Variants in LRRC4C observed in about 807,000 individuals in gnomAD.
The protein encoded by LRRC4C is leucine rich repeat containing 4C.
In LRRC4C, 5 loss-of-function variants were observed where a neutral mutation model predicts 33.6. The ratio of observed to expected loss-of-function variants is 0.15; its 90% CI spans 0.08 to 0.31. The LOEUF (loss-of-function observed/expected upper bound fraction) is 0.31, where lower values mean the gene tolerates loss of function less well. Among genes scored for constraint, LRRC4C ranks in the 10% least tolerant of loss-of-function variants. LRRC4C has a pLI of 1.00. For synonymous variants in LRRC4C, 329 were observed against 302.0 expected, an observed-to-expected ratio of 1.09 and a Z score of -0.93; for missense variants, 560 against 796.7, an observed-to-expected ratio of 0.70 and a Z score of 3.58.
intron 1 of LRRC4C, among the ~76,000 whole-genome samples, chr11:41,043,405 T>C (rs2138015588): frequency 6.6e-6 from 1 of 152,296 alleles, no homozygotes; most frequent in Non-Finnish European, 1.5e-5. Flanking sequence ...TAAATGAAAC[T>C]TTACTTAAGG....
chr11:41,235,527 A>G (rs1046285877), intron 1 of LRRC4C, among the ~76,000 whole-genome samples: 3 of 152,114 alleles, frequency 2.0e-5, no homozygotes, highest in Non-Finnish European at 2.9e-5. Flanking sequence ...GAAATTTGCC[A>G]AATTGAAATA....
chr11:40,118,005 T>G (rs1855558733), intron 6 of LRRC4C, among the ~76,000 whole-genome samples: 1 of 149,410 alleles, frequency 6.7e-6, no homozygotes, highest in Non-Finnish European at 1.5e-5. Flanking sequence ...TAAAAATATT[T>G]TTAATATTAA....
intron 1 of LRRC4C, among the ~76,000 whole-genome samples, chr11:41,056,673 A>G (rs1429261491): frequency 6.6e-6 from 1 of 152,228 alleles, no homozygotes; most frequent in African/African-American, 2.4e-5. Flanking sequence ...GCTCGATACC[A>G]CTAATCATTA....
In LRRC4C at chr11:41,010,826, T is replaced by C. The variant is rs147354292; in HGVS notation, c.-495-77103A>G. On this transcript the variant is annotated intron_variant, in intron 1 of 6. Coordinates refer to ENST00000528697, the MANE Select transcript of LRRC4C (RefSeq NM_001258419.2). ...TACCTGTGCAGGAATCCAGTGAACATATTGCAAATTCAGTAACAGGTTGAC... is the reference window on the plus strand; with the variant it reads ...TACCTGTGCAGGAATCCAGTGAACACATTGCAAATTCAGTAACAGGTTGAC... Among the ~76,000 whole-genome samples the C allele has an allele frequency of 1.6e-3, 250 of 152,230 alleles. 2 individuals are homozygous for C. The highest frequency in any genetic ancestry group is 5.9e-3 in the African/African-American group (246 of 41,534).
intron 1 of LRRC4C, among the ~76,000 whole-genome samples, chr11:41,387,800 C>T (rs899622698): frequency 1.3e-5 from 2 of 151,774 alleles, no homozygotes; most frequent in Non-Finnish European, 2.9e-5. Context: ...ATATCTGAAA[C>T]CTCTGTGTTG....
chr11:40,559,109 A>G (rs1360401563), intron 3 of LRRC4C, among the ~76,000 whole-genome samples: 4 of 150,280 alleles, frequency 2.7e-5, no homozygotes, highest in Admixed American at 2.7e-4. Flanking sequence ...TCTCTTATTG[A>G]TGGACATTTA....
At chr11:41,015,163 T>C (rs1405280165) in intron 1 of LRRC4C, among the ~76,000 whole-genome samples, 1 of 152,164 alleles carries the variant, frequency 6.6e-6, no homozygotes, top group Non-Finnish European at 1.5e-5. Flanking sequence ...TAATGTAGAA[T>C]GAACATTTTA....
At chr11:40,177,309 A>G (rs1860589563) in intron 5 of LRRC4C, among the ~76,000 whole-genome samples, 1 of 152,192 alleles carries the variant, frequency 6.6e-6, no homozygotes, top group Non-Finnish European at 1.5e-5. Flanking sequence ...TATAATTTAA[A>G]TCACAACCAT....
At chr11:40,932,223 G>C (rs1291839637) in intron 2 of LRRC4C, among the ~76,000 whole-genome samples, 1 of 152,120 alleles carries the variant, frequency 6.6e-6, no homozygotes, top group African/African-American at 2.4e-5. Flanking sequence ...AGAGTGGGAA[G>C]AGAGATGAGA....
At chr11:40,456,607 A>G (rs1952143364) in intron 3 of LRRC4C, among the ~76,000 whole-genome samples, 1 of 152,004 alleles carries the variant, frequency 6.6e-6, no homozygotes, top group African/African-American at 2.4e-5. Flanking sequence ...GAGAGAAATA[A>G]TAATAGAAAA....
chr11:40,849,063 A>G (rs1014382389), intron 2 of LRRC4C, among the ~76,000 whole-genome samples: 18 of 152,182 alleles, frequency 1.2e-4, no homozygotes, highest in African/African-American at 4.3e-4. Context: ...GGGTCTCCTG[A>G]ATACAGCACA....
intron 2 of LRRC4C, among the ~76,000 whole-genome samples, chr11:40,916,306 A>G (rs1187716646): frequency 6.6e-6 from 1 of 152,224 alleles, no homozygotes; most frequent in Non-Finnish European, 1.5e-5. Context: ...CCAAATATCC[A>G]ACAATGATAG....
intron 2 of LRRC4C, among the ~76,000 whole-genome samples, chr11:40,801,469 T>A (rs996924222): frequency 2.0e-5 from 3 of 152,194 alleles, no homozygotes; most frequent in African/African-American, 7.2e-5. Context: ...GGTTTAAGTG[T>A]ATTTTTATTC....
intron 1 of LRRC4C, among the ~76,000 whole-genome samples, chr11:41,018,883 T>C (rs573030998): frequency 6.6e-6 from 1 of 152,218 alleles, no homozygotes; most frequent in South Asian, 2.1e-4. Flanking sequence ...CATTATTTCT[T>C]TGATATTGAG....
chr11:40,619,523 C>T (rs928007177), intron 3 of LRRC4C, among the ~76,000 whole-genome samples: 3 of 151,700 alleles, frequency 2.0e-5, no homozygotes, highest in Non-Finnish European at 4.4e-5. Flanking sequence ...CCCTCAGTAG[C>T]TTTTCCATCC....
chr11:41,396,819 C>A (rs545814904), intron 1 of LRRC4C, among the ~76,000 whole-genome samples: 2 of 151,956 alleles, frequency 1.3e-5, no homozygotes, highest in South Asian at 4.1e-4. Context: ...AAAGCAATTG[C>A]AGCAAAATAA....
intron 5 of LRRC4C, among the ~76,000 whole-genome samples, chr11:40,227,692 G>A (rs1864908040): frequency 6.6e-6 from 1 of 151,992 alleles, no homozygotes; most frequent in South Asian, 2.1e-4. Flanking sequence ...GTAAACTGTA[G>A]AAACCATGGG....
At chr11:40,251,101 C>T (rs1384646624) in intron 4 of LRRC4C, among the ~76,000 whole-genome samples, 1 of 152,094 alleles carries the variant, frequency 6.6e-6, no homozygotes. Context: ...TAAACAAGAC[C>T]AGACCTTCCT....
chr11:41,430,177 C>T (rs1489327121), intron 1 of LRRC4C, among the ~76,000 whole-genome samples: 3 of 152,060 alleles, frequency 2.0e-5, no homozygotes, highest in Admixed American at 1.3e-4. Flanking sequence ...GAGTAAATGA[C>T]TTAATTATTG....
Sources: gnomAD v4.1 joint callset for allele counts (sites outside exome capture counted in the v4.1 genomes callset) on GRCh38, gnomAD v4.1.1 for gene constraint, MANE v1.5 for transcripts, NCBI Gene and HGNC (gene_info 2026-07-23, HGNC 2026-07-21) for gene names.